The following LUZP4 variants were observed in gnomAD, a reference collection of about 807,000 sequenced individuals.
The protein encoded by LUZP4 is HOM-TES-85 tumor antigen.
LUZP4 carries 11 observed loss-of-function variants against 8.5 expected under a neutral mutation model. The ratio of observed to expected loss-of-function variants is 1.30; its 90% CI spans 0.82 to 2.14. The LOEUF (loss-of-function observed/expected upper bound fraction) is 2.14. LUZP4 is among the 30% of genes most tolerant of loss of function. The probability of loss-of-function intolerance (pLI) is 0.00; values close to 1 mark genes in which losing one functional copy is unlikely to be tolerated. For missense variants in LUZP4, 276 were observed against 229.7 expected (o/e 1.20, Z -1.30); for synonymous variants, 104 against 79.4 (o/e 1.31, Z -1.65).
chrX:115,301,726 T>TATA (rs1171180514), intron 1 of LUZP4, among the ~76,000 whole-genome samples: 1 of 112,308 alleles, frequency 8.9e-6, no homozygotes, highest in Non-Finnish European at 1.9e-5. Flanking sequence ...CCCTGAGCTA[T>TATA]TGCAGTGTGA....
In LUZP4 at chrX:115,306,703, G is replaced by A. The variant is rs201126715; in HGVS notation, c.841G>A (p.Val281Met). The stretch of plus-strand genomic sequence containing the variant: ...TCTCATAGTCACTCAGAGAGATCTC[G>A]TGGCCACTGAGAGAGATCTCATAAA... ...RDLIVTQRDL[V>M]ATERDLINQS... Residue 281 changes from valine to methionine, a missense_variant, in exon 4 of 4, where the codon GTG becomes ATG. Transcript: ENST00000371920. The A allele has an allele frequency of 5.0e-5, 61 of 1,208,214 alleles. No homozygotes were observed. The highest frequency in any genetic ancestry group is 3.0e-4 in the South Asian group (17 of 56,676).
At chrX:115,299,961 C>G (rs972309205) in intron 1 of LUZP4, among the ~76,000 whole-genome samples, 1 of 112,035 alleles carries the variant, frequency 8.9e-6, no homozygotes, top group Non-Finnish European at 1.9e-5. Context: ...CCCTTCTGGC[C>G]TACGGTGTGT....
Position 115,307,044 on chromosome X carries a change from A to G in LUZP4, c.*240A>G, listed in dbSNP as rs2073426872. The G allele has an allele frequency of 2.5e-6, 1 of 392,332 alleles. No individual in the cohort carries two copies. Among genetic ancestry groups the G allele is most frequent in the South Asian group, 4.0e-5 (1 of 24,856 alleles). 32.3% of individuals were successfully genotyped at this position (392,332 alleles called of 1,213,427 possible). On this transcript the variant is annotated 3_prime_UTR_variant, in exon 4 of 4. Coordinates refer to ENST00000371920, the MANE Select transcript of LUZP4 (RefSeq NM_016383.5). The stretch of plus-strand genomic sequence containing the variant: ...GGTCTGCTTTCCCTGGAAGAGCCGT[A>G]TGTACTCAGCCTTTCCTATTGGGCC...
chrX:115,290,208 G>A (rs1422269485), intron 1 of LUZP4, among the ~76,000 whole-genome samples: 1 of 111,635 alleles, frequency 9.0e-6, no homozygotes, highest in Non-Finnish European at 1.9e-5. Context: ...CTAACTACTG[G>A]CCTCCTTCAA....
intron 1 of LUZP4, among the ~76,000 whole-genome samples, chrX:115,290,730 G>A (rs1282934124): frequency 5.4e-5 from 6 of 110,752 alleles, no homozygotes; most frequent in African/African-American, 6.6e-5. Flanking sequence ...ACGGAAGAAG[G>A]AAACTGTAGA....
At position 115,306,521 on chromosome X, in the gene LUZP4, G is replaced by A; in HGVS notation, c.659G>A (p.Gly220Asp). The A allele has an allele frequency of 1.7e-6, 2 of 1,210,314 alleles. No individual in the cohort carries two copies. The highest frequency in any genetic ancestry group is 2.2e-6 in the Non-Finnish European group (2 of 895,361). ...CATGGTCACTCAGAGAGATCTCATGGTCACTCAGAGAGATCTCATGGTCAC... is the reference window on the plus strand; with the variant it reads ...CATGGTCACTCAGAGAGATCTCATGATCACTCAGAGAGATCTCATGGTCAC... ...RSHGHSERSH[G>D]HSERSHGHSK... Residue 220 changes from glycine (G) to aspartate (D), a missense_variant, in exon 4 of 4, where the codon GGT becomes GAT. By Grantham distance (94) the Gly-to-Asp change is moderately conservative. Coordinates refer to ENST00000371920, the MANE Select transcript of LUZP4 (RefSeq NM_016383.5).
At chrX:115,290,642 C>T (rs1556596338) in intron 1 of LUZP4, among the ~76,000 whole-genome samples, 1 of 111,489 alleles carries the variant, frequency 9.0e-6, no homozygotes, top group Non-Finnish European at 1.9e-5. Flanking sequence ...AATAGACTTT[C>T]CAAGCCAGAT....
chrX:115,303,424 TA>T lies in LUZP4; in HGVS notation c.342+8del. ...GGCAGCCTTTAATTGAGCAGGTAGA[TA>T]AGTACCAAGAATTAACCAATATTAA... On this transcript the variant is annotated splice_region_variant and intron_variant, in intron 3 of 3. Transcript: ENST00000371920. 1 of 994,128 alleles carries T rather than the reference TA, an allele frequency of 1.0e-6. No individual in the cohort carries two copies. Among genetic ancestry groups the T allele is most frequent in the Non-Finnish European group, 1.4e-6 (1 of 722,102 alleles). 81.9% of individuals were successfully genotyped at this position (994,128 alleles called of 1,213,427 possible). A position where few individuals can be genotyped will look rare whatever the true frequency, so the allele number is the denominator to read the frequency against.
intron 1 of LUZP4, among the ~76,000 whole-genome samples, chrX:115,291,225 G>C (rs1362744534): frequency 9.0e-6 from 1 of 111,109 alleles, no homozygotes; most frequent in Non-Finnish European, 1.9e-5. Context: ...TCAGCCTCTC[G>C]AGTAGCTGGA....
chrX:115,298,649 A>G (rs1453737220), intron 1 of LUZP4, among the ~76,000 whole-genome samples: 1 of 112,254 alleles, frequency 8.9e-6, no homozygotes, highest in Admixed American at 9.4e-5. Context: ...TGACACTTTT[A>G]AATCATTTCT....
At chrX:115,290,538 C>A (rs914357698) in intron 1 of LUZP4, among the ~76,000 whole-genome samples, 2 of 111,555 alleles carry the variant, frequency 1.8e-5, no homozygotes, top group Admixed American at 1.9e-4. Flanking sequence ...GGCCCCTAAC[C>A]TCCTCCATTC....
intron 1 of LUZP4, among the ~76,000 whole-genome samples, chrX:115,299,695 C>T (rs6644222): frequency 0.081 from 8,942 of 110,351 alleles, 293 homozygotes; most frequent in Non-Finnish European, 0.1. Context: ...GCAGTGAGCT[C>T]CCCTCTGGCC....
intron 1 of LUZP4, among the ~76,000 whole-genome samples, chrX:115,290,743 T>C: frequency 9.1e-6 from 1 of 109,383 alleles, no homozygotes; most frequent in Non-Finnish European, 1.9e-5. Flanking sequence ...ACTGTAGAAA[T>C]GGGGGAAGGA....
At chrX:115,301,493 A>G (rs1384979365) in intron 1 of LUZP4, among the ~76,000 whole-genome samples, 2 of 111,755 alleles carry the variant, frequency 1.8e-5, no homozygotes, top group Admixed American at 1.9e-4. Context: ...TTCCATCACC[A>G]CTTTCTTACT....
At chrX:115,290,785 G>T (rs997408454) in intron 1 of LUZP4, among the ~76,000 whole-genome samples, 3 of 109,382 alleles carry the variant, frequency 2.7e-5, no homozygotes, top group African/African-American at 1.0e-4. Flanking sequence ...CTTTAGTTAG[G>T]GGTGTGTGTG....
chrX:115,292,283 G>A (rs905650012), intron 1 of LUZP4, among the ~76,000 whole-genome samples: 3 of 111,470 alleles, frequency 2.7e-5, no homozygotes, highest in African/African-American at 9.8e-5. Flanking sequence ...GTTAATTCTT[G>A]TATATGGGGT....
In LUZP4 at chrX:115,307,490, G is replaced by A. The variant is rs1298719787; in HGVS notation, c.*686G>A. On this transcript the variant is annotated 3_prime_UTR_variant, in exon 4 of 4. Coordinates refer to ENST00000371920, the MANE Select transcript of LUZP4 (RefSeq NM_016383.5). ...GAAATTTAAATGTACTGGGAGTTAT[G>A]TTGTTAAAAACACAAGATATGTTAA... 1 of 112,044 alleles carries A rather than the reference G, an allele frequency of 8.9e-6. No homozygotes were observed. The highest frequency in any genetic ancestry group is 1.9e-5 in the Non-Finnish European group (1 of 53,272). 9.2% of individuals were successfully genotyped at this position (112,044 alleles called of 1,213,427 possible).
chrX:115,297,179 C>G (rs1365615998), intron 1 of LUZP4, among the ~76,000 whole-genome samples: 1 of 111,138 alleles, frequency 9.0e-6, no homozygotes, highest in African/African-American at 3.3e-5. Flanking sequence ...AATAGTAGGT[C>G]TTATTCATTC....
chrX:115,297,543 G>A (rs1227994525), intron 1 of LUZP4, among the ~76,000 whole-genome samples: 1 of 111,558 alleles, frequency 9.0e-6, no homozygotes, highest in Non-Finnish European at 1.9e-5. Flanking sequence ...GCTATTCTAA[G>A]GTAAAGTTTT....
Sources: gnomAD v4.1 joint callset for allele counts (sites outside exome capture counted in the v4.1 genomes callset) on GRCh38, gnomAD v4.1.1 for gene constraint, MANE v1.5 for transcripts, NCBI Gene and HGNC (gene_info 2026-07-23, HGNC 2026-07-21) for gene names.